MAN1C1: variants seen among roughly 807,000 people sequenced by gnomAD.
MAN1C1 encodes mannosyl-oligosaccharide 1,2-alpha-mannosidase IC.
In MAN1C1, 49 loss-of-function variants were observed where a neutral mutation model predicts 71.5. That is an observed-to-expected ratio of 0.69 (90% CI 0.54 to 0.87). The LOEUF (loss-of-function observed/expected upper bound fraction) is 0.87. MAN1C1 is among the 40% of genes least tolerant of loss of function. The pLI is 0.00. For synonymous variants in MAN1C1, 352 were observed against 343.7 expected (o/e 1.02, Z -0.27); for missense variants, 743 against 835.0 (o/e 0.89, Z 1.36).
intron 2 of MAN1C1, among the ~76,000 whole-genome samples, chr1:25,717,678 C>T (rs778122038): frequency 7.3e-5 from 11 of 151,190 alleles, no homozygotes; most frequent in Middle Eastern, 3.4e-3. Context: ...CGGGTTCAAG[C>T]GATTCTCCTC....
chr1:25,767,478 C>T (rs1268003023), intron 7 of MAN1C1, among the ~76,000 whole-genome samples: 1 of 140,202 alleles, frequency 7.1e-6, no homozygotes, highest in Non-Finnish European at 1.6e-5. Flanking sequence ...ACCCACACTC[C>T]CCTCACATAC....
chr1:25,752,107 G>A (rs1293993187), intron 4 of MAN1C1, among the ~76,000 whole-genome samples: 1 of 152,140 alleles, frequency 6.6e-6, no homozygotes. Flanking sequence ...CAGTCCTACC[G>A]AGAGCCAGTG....
intron 2 of MAN1C1, among the ~76,000 whole-genome samples, chr1:25,699,064 T>A (rs990068624): frequency 2.0e-5 from 3 of 151,888 alleles, no homozygotes; most frequent in African/African-American, 4.8e-5. Flanking sequence ...CCCAGCACTT[T>A]GGGAGGCCAA....
chr1:25,652,193 G>A (rs1022592478), intron 1 of MAN1C1, among the ~76,000 whole-genome samples: 6 of 152,208 alleles, frequency 3.9e-5, no homozygotes, highest in Non-Finnish European at 7.3e-5. Flanking sequence ...TCCTGCTGCC[G>A]CATGTCAGGC....
chr1:25,771,716 T>C lies in MAN1C1; in HGVS notation c.1201T>C (p.Leu401=), dbSNP rs2047554069. The C allele has an allele frequency of 3.1e-6, 5 of 1,614,198 alleles. No individual in the cohort carries two copies. Among genetic ancestry groups the C allele is most frequent in the Non-Finnish European group, 3.4e-6 (4 of 1,180,028 alleles). ...TTATGAATATTTGATCAAATCCTGG[T>C]TGATGTCGGGCAAGACAGATATGGA... ...SFYEYLIKSW[L]MSGKTDMEAK... is the part of the protein sequence containing the mutation. The change falls in exon 8 of 12, where the codon TTG becomes CTG. Residue 401 remains leucine (L), a synonymous_variant. Transcript: ENST00000374332.
chr1:25,705,912 C>T (rs975686330), intron 2 of MAN1C1, among the ~76,000 whole-genome samples: 2 of 152,194 alleles, frequency 1.3e-5, no homozygotes, highest in African/African-American at 4.8e-5. Context: ...CACTGCACTC[C>T]AGCCTCGGTG....
chr1:25,638,497 A>G (rs960602795), intron 1 of MAN1C1, among the ~76,000 whole-genome samples: 19 of 152,124 alleles, frequency 1.2e-4, no homozygotes, highest in African/African-American at 4.1e-4. Flanking sequence ...TTCTTCTTAT[A>G]TGTCTGATAT....
At chr1:25,652,809 G>T (rs1254778210) in intron 1 of MAN1C1, among the ~76,000 whole-genome samples, 1 of 152,200 alleles carries the variant, frequency 6.6e-6, no homozygotes, top group African/African-American at 2.4e-5. Flanking sequence ...ATCAATGTCG[G>T]CTTTATTGTG....
rs2047404438 is a variant in MAN1C1, at chr1:25,764,625, C to T, written c.1141+658C>T. On this transcript the variant is annotated intron_variant, in intron 7 of 11. Coordinates refer to ENST00000374332, the MANE Select transcript of MAN1C1 (RefSeq NM_020379.4). This position sits in a 1 kb window ranked among gnomAD's most constrained non-coding sequence, Gnocchi z 4.4. ...AGATGGGGTTTAGTAGAGATGTTGG[C>T]CAAGCTGGTCTCGAACTCCTGACCT... Among the ~76,000 whole-genome samples the T allele has an allele frequency of 6.6e-6, 1 of 151,734 alleles. No homozygotes were observed. The highest frequency in any genetic ancestry group is 2.1e-4 in the South Asian group (1 of 4,784).
At chr1:25,619,616 G>T (rs928583208) in intron 1 of MAN1C1, among the ~76,000 whole-genome samples, 4 of 152,178 alleles carry the variant, frequency 2.6e-5, no homozygotes, top group Non-Finnish European at 5.9e-5. Flanking sequence ...GGAAGCCACA[G>T]GGAAACTGAG....
In MAN1C1 at chr1:25,758,671, C is replaced by T. The variant is rs1187360864; in HGVS notation, c.1009C>T (p.Leu337Phe). The stretch of plus-strand genomic sequence containing the variant: ...ATCCCTGCACTTGGAATTCTTACAC[C>T]TCACTGAACTCTCTGGCAACCAGGT... Reference protein sequence around the residue: ...FGSLHLEFLHLTELSGNQVFA... With the variant: ...FGSLHLEFLHFTELSGNQVFA... The change falls in exon 6 of 12, where the codon CTC (leucine) becomes TTC (phenylalanine). Residue 337 changes from leucine to phenylalanine, a missense_variant. Transcript: ENST00000374332. The T allele has an allele frequency of 6.2e-7, 1 of 1,614,178 alleles. No homozygotes were observed. Among genetic ancestry groups the T allele is most frequent in the Admixed American group, 1.7e-5 (1 of 60,026 alleles).
chr1:25,722,286 A>C (rs543110932), intron 2 of MAN1C1, among the ~76,000 whole-genome samples: 1 of 152,282 alleles, frequency 6.6e-6, no homozygotes, highest in African/African-American at 2.4e-5. Context: ...TGTGCTGGGA[A>C]ATTAATGGAC....
Position 25,769,858 on chromosome 1 carries a change from G to A in MAN1C1, c.1142-1799G>A, listed in dbSNP as rs1217999871. ...CCCACCACCCAAGGGGAGTGCTGCC[G>A]CCGAGGGCTTCAGATGGTGCCTGGC... On this transcript the variant is annotated intron_variant, in intron 7 of 11. Coordinates refer to ENST00000374332, the MANE Select transcript of MAN1C1 (RefSeq NM_020379.4). The surrounding 1 kb of genome is among the most constrained non-coding windows in gnomAD (Gnocchi z 4.8). 3.3e-5 allele frequency among the ~76,000 whole-genome samples: 5 copies of A among 152,192 alleles called. No individual in the cohort carries two copies. Among genetic ancestry groups the A allele is most frequent in the East Asian group, 1.9e-4 (1 of 5,188 alleles).
At chr1:25,722,396 A>G (rs2046778808) in intron 2 of MAN1C1, among the ~76,000 whole-genome samples, 1 of 152,010 alleles carries the variant, frequency 6.6e-6, no homozygotes, top group Non-Finnish European at 1.5e-5. Context: ...GAATTCCTAC[A>G]TTTTTTAGTT....
rs1267532646 is a variant in MAN1C1 at position 25,764,137 on chromosome 1, G to C, written c.1141+170G>C. Among the ~76,000 whole-genome samples the C allele has an allele frequency of 6.6e-6, 1 of 152,186 alleles. No individual in the cohort carries two copies. The highest frequency in any genetic ancestry group is 1.5e-5 in the Non-Finnish European group (1 of 68,026). The stretch of plus-strand genomic sequence containing the variant: ...ACCACCTGCCTTCCCATGCATCCTG[G>C]GGGCTTGCCTGTGGTTGTCTGCTGC... On this transcript the variant is annotated intron_variant, in intron 7 of 11. Transcript: ENST00000374332. This position sits in a 1 kb window ranked among gnomAD's most constrained non-coding sequence, Gnocchi z 4.4.
At chr1:25,706,539 A>C (rs926727489) in intron 2 of MAN1C1, among the ~76,000 whole-genome samples, 2 of 152,176 alleles carry the variant, frequency 1.3e-5, no homozygotes, top group Non-Finnish European at 2.9e-5. Context: ...GAATCCTTGC[A>C]GGCCATTCTA....
intron 1 of MAN1C1, among the ~76,000 whole-genome samples, chr1:25,621,178 G>A (rs923072485): frequency 6.6e-6 from 1 of 152,204 alleles, no homozygotes; most frequent in African/African-American, 2.4e-5. Context: ...ACTCCATAGC[G>A]GTTGGGCTTT....
intron 1 of MAN1C1, among the ~76,000 whole-genome samples, chr1:25,619,657 G>GTGTGCTCTCAGTTTCCAGATTCC (rs1449426396): frequency 6.6e-6 from 1 of 152,228 alleles, no homozygotes; most frequent in African/African-American, 2.4e-5. Context: ...GTGCATGTTT[G>GTGTGCTCTCAGTTTCCAGATTCC]TGTGCTCTCA....
intron 1 of MAN1C1, among the ~76,000 whole-genome samples, chr1:25,624,081 T>G (rs1557737651): frequency 6.6e-6 from 1 of 152,148 alleles, no homozygotes; most frequent in Non-Finnish European, 1.5e-5. Context: ...TGCATAAACA[T>G]TTGCATAATT....
Sources: allele counts gnomAD v4.1 joint callset (sites outside exome capture counted in the v4.1 genomes callset), GRCh38; gene constraint gnomAD v4.1.1; non-coding constraint Gnocchi (gnomAD v3.1); transcripts MANE v1.5; gene names NCBI Gene and HGNC (gene_info 2026-07-23, HGNC 2026-07-21).